MYO19: variants seen among roughly 807,000 people sequenced by gnomAD.
The protein encoded by MYO19 is myosin XIX, also known as unconventional myosin-XIX.
MYO19 carries 132 observed loss-of-function variants against 129.2 expected under a neutral mutation model. The ratio of observed to expected loss-of-function variants is 1.02; its 90% CI spans 0.89 to 1.18. MYO19 has a LOEUF of 1.18. Ranked by LOEUF, MYO19 falls within the 50% of genes most tolerant of loss-of-function variation. The pLI is 0.00. For synonymous variants in MYO19, 531 were observed against 477.2 expected (o/e 1.11, Z -1.47); for missense variants, 1,210 against 1,216.7 (o/e 0.99, Z 0.08).
chr17:36,498,681 A>C (rs2071226223), intron 24 of MYO19, 122 bp from the exon 25 acceptor site: 1 of 1,199,770 alleles, frequency 8.3e-7, no homozygotes, highest in Admixed American at 2.7e-5. Flanking sequence ...CCTGGTTGCA[A>C]ACAGCTGGCT....
upstream of MYO19, chr17:36,537,039 A>G (rs2074149117): frequency 1.4e-6 from 2 of 1,453,486 alleles, no homozygotes; most frequent in South Asian, 2.7e-5. Flanking sequence ...AGGTATGCTA[A>G]TTACACAAGA....
At chr17:36,497,631 C>G in intron 25 of MYO19, 1 of 802,316 alleles carries the variant, frequency 1.2e-6, no homozygotes, top group Non-Finnish European at 1.5e-6. Context: ...GTCACCCAGG[C>G]TGGAGTGCAG....
intron 13 of MYO19, 37 bp downstream of exon 13, chr17:36,510,709 G>T: frequency 6.4e-7 from 1 of 1,552,964 alleles, no homozygotes; most frequent in African/African-American, 1.4e-5. Context: ...GCACTTGTCG[G>T]GGTCCTCCCC....
chr17:36,502,970 C>A (rs1315159739), intron 21 of MYO19, 127 bp downstream of exon 21: 5 of 790,156 alleles, frequency 6.3e-6, no homozygotes, highest in Non-Finnish European at 1.1e-5. Context: ...GTTTCCCCCA[C>A]TGAACCAAAA....
chr17:36,518,561 T>C (rs1396857409), intron 6 of MYO19, among the ~76,000 whole-genome samples: 2 of 130,150 alleles, frequency 1.5e-5, no homozygotes, highest in Non-Finnish European at 3.2e-5. Flanking sequence ...TATGTGTATG[T>C]GTATATATAT....
intron 5 of MYO19, 60 bp downstream of exon 5, chr17:36,527,491 C>T: frequency 6.4e-7 from 1 of 1,564,176 alleles, no homozygotes; most frequent in Non-Finnish European, 8.7e-7. Flanking sequence ...GGGGTAACTG[C>T]AAAGAGGTTT....
At position 36,515,106 on chromosome 17, in the gene MYO19, C is replaced by A; in HGVS notation, c.617+7G>T. On this transcript the variant is annotated splice_region_variant and intron_variant, in intron 8 of 25. Coordinates refer to ENST00000614623, the MANE Select transcript of MYO19 (RefSeq NM_001163735.2). ...CTCCCACTAGCCAGGGCAACAGCAG[C>A]TATTACCTGTTCAGCTGGAGCTGGA... The A allele has an allele frequency of 6.2e-7, 1 of 1,603,140 alleles. No individual in the cohort carries two copies. The highest frequency in any genetic ancestry group is 1.1e-5 in the South Asian group (1 of 88,610).
intron 5 of MYO19, 59 bp from the exon 6 acceptor site, chr17:36,525,400 G>T: frequency 7.9e-7 from 1 of 1,261,754 alleles, no homozygotes; most frequent in Non-Finnish European, 1.2e-6. Context: ...AATGATGACT[G>T]AGCCAATGAT....
Position 36,496,031 on chromosome 17 carries a change from G to T in MYO19, c.*220C>A. The T allele has an allele frequency of 1.3e-6, 1 of 781,286 alleles. No homozygotes were observed. Among genetic ancestry groups the T allele is most frequent in the Non-Finnish European group, 1.9e-6 (1 of 527,032 alleles). The allele number at this position is 781,286 out of a possible 1,614,324, so 48.4% of individuals were successfully genotyped here. On this transcript the variant is annotated 3_prime_UTR_variant, in exon 26 of 26. Coordinates refer to ENST00000614623, the MANE Select transcript of MYO19 (RefSeq NM_001163735.2). ...CCTGATGTTTCTTAACCCTGATTTG[G>T]TAACTACCAGCCCTGACACCATCAG...
intron 8 of MYO19, 110 bp downstream of exon 8, chr17:36,515,000 CAGG>C: frequency 3.4e-6 from 3 of 869,692 alleles, no homozygotes; most frequent in Non-Finnish European, 5.3e-6. Flanking sequence ...GGGCATGCAC[CAGG>C]AGGAGCAGGG....
intron 6 of MYO19, among the ~76,000 whole-genome samples, chr17:36,517,365 T>C (rs2072825360): frequency 6.6e-6 from 1 of 152,166 alleles, no homozygotes; most frequent in Non-Finnish European, 1.5e-5. Context: ...GTTCAAGTGA[T>C]TCTCCTGCCT....
rs779984835 is a variant in MYO19, at chr17:36,514,523, C to A, written c.643G>T (p.Val215Phe). 8 of 1,613,224 alleles carry A rather than the reference C, an allele frequency of 5.0e-6. No homozygotes were observed. The Admixed American group carries it at 1.3e-4, about 27-fold the overall frequency. ...NRAQQMTGAAVQTYLLEKTRV... is the reference protein window; with the variant it reads ...NRAQQMTGAAFQTYLLEKTRV... ...GTTTTCTCTAGGAGGTAGGTCTGGA[C>A]TGCGGCTCCAGTCATTTGCTGAGCC... is the stretch of plus-strand genomic sequence containing the variant. The change falls in exon 9 of 26, where the codon GTC becomes TTC. Residue 215 changes from valine (V) to phenylalanine (F), a missense_variant. Val to Phe is a conservative substitution (Grantham distance 50). Transcript: ENST00000614623.
intron 6 of MYO19, among the ~76,000 whole-genome samples, chr17:36,521,056 T>A (rs1228911665): frequency 6.6e-6 from 1 of 152,246 alleles, no homozygotes; most frequent in South Asian, 2.1e-4. Flanking sequence ...TATCATGTTT[T>A]AAATTTTTAT....
chr17:36,504,191 G>C (rs546040463), intron 19 of MYO19, 171 bp from the exon 20 acceptor site: 234 of 527,306 alleles, frequency 4.4e-4, no homozygotes, highest in Non-Finnish European at 7.1e-4. Context: ...GAGGGACCTT[G>C]AAAACAAATC....
At chr17:36,543,128 T>A (rs1196014066) in exon 1 of MYO19, 1 of 152,182 alleles carries the variant, frequency 6.6e-6, no homozygotes, top group South Asian at 2.1e-4. Context: ...ATACTCACTC[T>A]TCTACTCTGC....
In MYO19 at chr17:36,525,129, G is replaced by A. The variant is rs2073382111; in HGVS notation, c.414+99C>T. 3.5e-6 allele frequency: 3 copies of A among 865,640 alleles called. No homozygotes were observed. In the East Asian group the frequency reaches 7.4e-5, roughly 21 times the overall value. The allele number at this position is 865,640 out of a possible 1,614,324, so 53.6% of individuals were successfully genotyped here. A position where few individuals can be genotyped will look rare whatever the true frequency, so the allele number is the denominator to read the frequency against. On this transcript the variant is annotated intron_variant, in intron 6 of 25. Coordinates refer to ENST00000614623, the MANE Select transcript of MYO19 (RefSeq NM_001163735.2). The stretch of plus-strand genomic sequence containing the variant: ...AGCCAGCCTATGTGGGAATGATTAG[G>A]AAGCAAACAACTCCACAAGGAAGGC...
chr17:36,521,033 A>G (rs553641326), intron 6 of MYO19, among the ~76,000 whole-genome samples: 87 of 152,318 alleles, frequency 5.7e-4, no homozygotes, highest in Non-Finnish European at 1.0e-3. Flanking sequence ...GTCTGTTGAT[A>G]TGCCCAAAGA....
chr17:36,529,800 T>C (rs1208611665), intron 3 of MYO19, among the ~76,000 whole-genome samples: 2 of 152,190 alleles, frequency 1.3e-5, no homozygotes, highest in Non-Finnish European at 2.9e-5. Context: ...CTGAGTATAG[T>C]GATCAAGTAC....
At chr17:36,507,250 G>A in intron 16 of MYO19, 111 bp from the exon 17 acceptor site, 1 of 1,484,372 alleles carries the variant, frequency 6.7e-7, no homozygotes, top group South Asian at 1.2e-5. Context: ...AGGCATCATA[G>A]TGTCCCCAAC....
Sources: allele counts gnomAD v4.1 joint callset (sites outside exome capture counted in the v4.1 genomes callset), GRCh38; gene constraint gnomAD v4.1.1; transcripts MANE v1.5; gene names NCBI Gene and HGNC (gene_info 2026-07-23, HGNC 2026-07-21).